Variants in CXCL13 observed in about 807,000 individuals in gnomAD.
CXCL13 encodes the protein C-X-C motif chemokine ligand 13.
Under a neutral mutation model 12.2 loss-of-function variants are expected in CXCL13, and 7 were observed. That is an observed-to-expected ratio of 0.57 (90% CI 0.33 to 1.07). The LOEUF (loss-of-function observed/expected upper bound fraction) is 1.07. Ranked by LOEUF, CXCL13 falls within the 50% of genes least tolerant of loss-of-function variation. The pLI, the probability that CXCL13 is intolerant of heterozygous loss-of-function variation, is 0.04. For synonymous variants in CXCL13, 47 were observed against 42.4 expected (o/e 1.11, Z -0.42); for missense variants, 113 against 127.4 (o/e 0.89, Z 0.55).
intron 1 of CXCL13, among the ~76,000 whole-genome samples, chr4:77,575,886 G>T (rs1220653218): frequency 2.0e-5 from 3 of 151,586 alleles, no homozygotes; most frequent in Admixed American, 2.0e-4. Flanking sequence ...AATTGTATGG[G>T]GTTTCTAAAA....
At chr4:77,592,949 C>T (rs925556377) in intron 1 of CXCL13, among the ~76,000 whole-genome samples, 6 of 152,222 alleles carry the variant, frequency 3.9e-5, no homozygotes, top group Admixed American at 6.5e-5. Flanking sequence ...TATGAATTAA[C>T]TCCAACTTAA....
chr4:77,521,395 A>C (rs974422912), intron 1 of CXCL13, among the ~76,000 whole-genome samples: 1 of 151,764 alleles, frequency 6.6e-6, no homozygotes, highest in African/African-American at 2.4e-5. Context: ...AATTTCAGAG[A>C]CTGTTATTGG....
intron 1 of CXCL13, among the ~76,000 whole-genome samples, chr4:77,521,562 A>G (rs1309478683): frequency 6.6e-6 from 1 of 151,886 alleles, no homozygotes; most frequent in East Asian, 1.9e-4. Flanking sequence ...CGGTGGTGAT[A>G]TCCCCTTTAT....
At chr4:77,552,638 G>T (rs1231754151) in intron 1 of CXCL13, among the ~76,000 whole-genome samples, 1 of 152,224 alleles carries the variant, frequency 6.6e-6, no homozygotes, top group Non-Finnish European at 1.5e-5. Flanking sequence ...GTCCCCTGAT[G>T]GCAGACACAA....
chr4:77,555,281 G>T (rs924270371), intron 1 of CXCL13, among the ~76,000 whole-genome samples: 1 of 151,964 alleles, frequency 6.6e-6, no homozygotes, highest in Non-Finnish European at 1.5e-5. Context: ...ACAAATGCAT[G>T]CAACAAATTG....
At chr4:77,541,077 C>G (rs1725196487) in intron 1 of CXCL13, among the ~76,000 whole-genome samples, 1 of 152,094 alleles carries the variant, frequency 6.6e-6, no homozygotes, top group South Asian at 2.1e-4. Context: ...CTGTTCGTGT[C>G]TTTTGCCCAT....
At position 77,580,199 on chromosome 4, in the gene CXCL13, C is replaced by A. The variant is rs533041243; in HGVS notation, c.-42-25625C>A. ...TAAAAGCCCTGACTTGACTGCCATG[C>A]AATCTATGCATGTAACAAAATTTCA... On this transcript the variant is annotated intron_variant, in intron 1 of 4. Transcript: ENST00000286758. Among the ~76,000 whole-genome samples, 8 of 149,440 alleles carry A rather than the reference C, an allele frequency of 5.4e-5. No homozygotes were observed. The South Asian group carries it at 1.1e-3, about 20-fold the overall frequency.
intron 1 of CXCL13, among the ~76,000 whole-genome samples, chr4:77,523,273 A>C (rs1166839372): frequency 2.0e-5 from 3 of 152,146 alleles, no homozygotes; most frequent in African/African-American, 7.2e-5. Flanking sequence ...TATGTTGGGG[A>C]AGTTCTCCTG....
At chr4:77,587,190 G>A (rs1175862975) in intron 1 of CXCL13, among the ~76,000 whole-genome samples, 1 of 152,152 alleles carries the variant, frequency 6.6e-6, no homozygotes, top group African/African-American at 2.4e-5. Context: ...CTTACTTGCC[G>A]AACCAGTCAA....
chr4:77,597,354 A>AT (rs1440740161), intron 1 of CXCL13, among the ~76,000 whole-genome samples: 1 of 152,038 alleles, frequency 6.6e-6, no homozygotes, highest in Admixed American at 6.5e-5. Context: ...TGAATAGTAT[A>AT]TTTTTTAATC....
intron 2 of CXCL13, among the ~76,000 whole-genome samples, chr4:77,609,087 C>T (rs544288784): frequency 2.0e-4 from 31 of 152,138 alleles, no homozygotes; most frequent in African/African-American, 7.0e-4. Context: ...GTGAAAATAC[C>T]GTGAGTCCAG....
At chr4:77,579,276 C>T (rs1726261329) in intron 1 of CXCL13, among the ~76,000 whole-genome samples, 1 of 152,198 alleles carries the variant, frequency 6.6e-6, no homozygotes, top group Non-Finnish European at 1.5e-5. Context: ...TTGCTTTCCC[C>T]CCAACCCCCA....
chr4:77,596,000 G>C (rs1351522689), intron 1 of CXCL13, among the ~76,000 whole-genome samples: 1 of 152,012 alleles, frequency 6.6e-6, no homozygotes, highest in African/African-American at 2.4e-5. Flanking sequence ...TTTCAGCTTG[G>C]GTACAAATGG....
chr4:77,528,952 T>C (rs1481568421), intron 1 of CXCL13, among the ~76,000 whole-genome samples: 1 of 152,210 alleles, frequency 6.6e-6, no homozygotes, highest in East Asian at 1.9e-4. Context: ...AATTAATTTT[T>C]GTATAAGGTG....
At chr4:77,597,637 G>T (rs1458594635) in intron 1 of CXCL13, among the ~76,000 whole-genome samples, 6 of 152,126 alleles carry the variant, frequency 3.9e-5, no homozygotes, top group Admixed American at 6.5e-5. Flanking sequence ...GTTGGCTTAA[G>T]AAAATAAAGA....
intron 1 of CXCL13, among the ~76,000 whole-genome samples, chr4:77,594,419 A>G (rs986127267): frequency 1.3e-5 from 2 of 152,366 alleles, no homozygotes; most frequent in African/African-American, 4.8e-5. Context: ...AACAATTAAA[A>G]TAATGAGACA....
intron 1 of CXCL13, among the ~76,000 whole-genome samples, chr4:77,592,879 G>T (rs1014898129): frequency 1.3e-5 from 2 of 152,176 alleles, no homozygotes; most frequent in Non-Finnish European, 2.9e-5. Context: ...TGTCCCTCAA[G>T]ATTTACACAA....
At chr4:77,561,899 G>A (rs962313231) in intron 1 of CXCL13, among the ~76,000 whole-genome samples, 9 of 152,322 alleles carry the variant, frequency 5.9e-5, no homozygotes, top group African/African-American at 2.2e-4. Flanking sequence ...GAAAGGCGCA[G>A]GTGGGAACCT....
At chr4:77,526,315 A>C (rs970980800) in intron 1 of CXCL13, among the ~76,000 whole-genome samples, 3 of 152,106 alleles carry the variant, frequency 2.0e-5, no homozygotes, top group African/African-American at 7.2e-5. Context: ...AATATATTAA[A>C]TTTAAAATTT....
Sources: gnomAD v4.1 joint callset for allele counts (sites outside exome capture counted in the v4.1 genomes callset) on GRCh38, gnomAD v4.1.1 for gene constraint, MANE v1.5 for transcripts, NCBI Gene and HGNC (gene_info 2026-07-23, HGNC 2026-07-21) for gene names.